RBFOX1: variants seen among roughly 807,000 people sequenced by gnomAD.
RBFOX1 encodes RNA binding fox-1 homolog 1.
A neutral mutation model predicts 57.7 loss-of-function variants in RBFOX1; 8 were observed. That is an observed-to-expected ratio of 0.14 (90% CI 0.08 to 0.25). The LOEUF is 0.25. Among genes scored for constraint, RBFOX1 ranks in the 10% least tolerant of loss-of-function variants. The pLI, the probability that RBFOX1 is intolerant of heterozygous loss-of-function variation, is 1.00. For synonymous variants in RBFOX1, 326 were observed against 222.4 expected (o/e 1.47, Z -4.15); for missense variants, 611 against 548.5 (o/e 1.11, Z -1.14).
chr16:7,272,029 A>G (rs575562786), intron 4 of RBFOX1, among the ~76,000 whole-genome samples: 28 of 152,308 alleles, frequency 1.8e-4, no homozygotes, highest in Admixed American at 2.0e-4. Context: ...AATAGAGAAT[A>G]CCACTTTGCA....
chr16:6,755,717 T>G (rs951771583), intron 3 of RBFOX1, among the ~76,000 whole-genome samples: 2 of 152,180 alleles, frequency 1.3e-5, no homozygotes, highest in Non-Finnish European at 2.9e-5. Flanking sequence ...TGGAGTATGA[T>G]TTCCCTGTTA....
At chr16:6,299,245 CT>C (rs2078505392) in intron 1 of RBFOX1, among the ~76,000 whole-genome samples, 1 of 152,164 alleles carries the variant, frequency 6.6e-6, no homozygotes, top group South Asian at 2.1e-4. Flanking sequence ...GACCCTTTTC[CT>C]ATTTTTGCTC....
intron 1 of RBFOX1, among the ~76,000 whole-genome samples, chr16:5,424,550 T>C (rs1354542394): frequency 6.6e-6 from 1 of 151,846 alleles, no homozygotes; most frequent in East Asian, 1.9e-4. Context: ...TTTTAGCGTT[T>C]ATTTTATAGC....
chr16:5,583,540 C>G (rs2046741689), intron 2 of RBFOX1, among the ~76,000 whole-genome samples: 1 of 152,180 alleles, frequency 6.6e-6, no homozygotes, highest in Non-Finnish European at 1.5e-5. Flanking sequence ...CCTGGAGTGT[C>G]TCTGAATCTG....
chr16:7,287,687 A>G (rs1293233572), intron 4 of RBFOX1, among the ~76,000 whole-genome samples: 1 of 152,170 alleles, frequency 6.6e-6, no homozygotes, highest in Non-Finnish European at 1.5e-5. Context: ...GTCGCCTCTC[A>G]ACACCACATT....
chr16:6,617,087 G>A (rs2098153485), intron 2 of RBFOX1, among the ~76,000 whole-genome samples: 1 of 152,036 alleles, frequency 6.6e-6, no homozygotes, highest in Non-Finnish European at 1.5e-5. Context: ...GAACGTAGAG[G>A]TGCTTTGGCC....
At chr16:5,436,851 G>T (rs1375472628) in intron 1 of RBFOX1, among the ~76,000 whole-genome samples, 1 of 151,754 alleles carries the variant, frequency 6.6e-6, no homozygotes, top group Non-Finnish European at 1.5e-5. Flanking sequence ...AAAAAAAAAA[G>T]TTCTGTCAGA....
chr16:6,589,720 GT>G (rs1388717785), intron 2 of RBFOX1, among the ~76,000 whole-genome samples: 1 of 152,202 alleles, frequency 6.6e-6, no homozygotes, highest in Admixed American at 6.5e-5. Flanking sequence ...AAGGGGGATT[GT>G]TTGGGGAAAG....
At chr16:5,761,769 T>C (rs1322005754) in intron 3 of RBFOX1, among the ~76,000 whole-genome samples, 1 of 152,112 alleles carries the variant, frequency 6.6e-6, no homozygotes, top group African/African-American at 2.4e-5. Context: ...TTTGGCTAAA[T>C]GGGTAAAGAA....
chr16:7,073,877 A>G (rs2057820899), intron 4 of RBFOX1, among the ~76,000 whole-genome samples: 3 of 150,738 alleles, frequency 2.0e-5, no homozygotes. Context: ...CAAATAAATA[A>G]ATACTAGATG....
At chr16:6,490,057 G>A (rs772835720) in intron 2 of RBFOX1, among the ~76,000 whole-genome samples, 25 of 152,300 alleles carry the variant, frequency 1.6e-4, no homozygotes, top group African/African-American at 4.8e-4. Context: ...ATGTGAGTAC[G>A]TTGACTCCCA....
At chr16:6,849,609 C>A (rs2093956812) in intron 3 of RBFOX1, among the ~76,000 whole-genome samples, 1 of 152,204 alleles carries the variant, frequency 6.6e-6, no homozygotes, top group Non-Finnish European at 1.5e-5. Flanking sequence ...GCGGAGGTTT[C>A]AGTGAGCTGA....
Position 6,800,338 on chromosome 16 carries a change from C to T in RBFOX1, c.-16+145688C>T, listed in dbSNP as rs538285142. Among the ~76,000 whole-genome samples the T allele has an allele frequency of 9.9e-5, 15 of 152,262 alleles. No individual in the cohort carries two copies. The South Asian group carries it at 2.9e-3, about 29-fold the overall frequency. ...GGGCTGGTAGTACCAAAAGTCAGGGCTACCTATTTTTGTTTTTCATGCAAT... is the reference window on the plus strand; with the variant it reads ...GGGCTGGTAGTACCAAAAGTCAGGGTTACCTATTTTTGTTTTTCATGCAAT... On this transcript the variant is annotated intron_variant, in intron 3 of 15. Coordinates refer to ENST00000550418, the MANE Select transcript of RBFOX1 (RefSeq NM_018723.4).
intron 3 of RBFOX1, among the ~76,000 whole-genome samples, chr16:6,850,772 G>A (rs1210442626): frequency 1.3e-5 from 2 of 152,160 alleles, no homozygotes; most frequent in Non-Finnish European, 2.9e-5. Context: ...AATATTGCTG[G>A]TGGGAATGTC....
At chr16:5,393,089 T>C (rs1195073485) in intron 1 of RBFOX1, among the ~76,000 whole-genome samples, 1 of 152,090 alleles carries the variant, frequency 6.6e-6, no homozygotes, top group Non-Finnish European at 1.5e-5. Flanking sequence ...AGGGTGGGGC[T>C]GTGGCTCAGG....
intron 4 of RBFOX1, among the ~76,000 whole-genome samples, chr16:7,361,680 G>T (rs976479540): frequency 6.6e-6 from 1 of 152,178 alleles, no homozygotes; most frequent in African/African-American, 2.4e-5. Flanking sequence ...GCTGAGCCAC[G>T]TTCCTGCCTG....
At chr16:6,318,292 C>T (rs537982147) in intron 2 of RBFOX1, among the ~76,000 whole-genome samples, 1 of 152,294 alleles carries the variant, frequency 6.6e-6, no homozygotes, top group Admixed American at 6.5e-5. Context: ...CTACGTGCCA[C>T]ATCTATCTTT....
intron 3 of RBFOX1, among the ~76,000 whole-genome samples, chr16:6,995,591 C>G (rs1278970783): frequency 2.0e-5 from 3 of 151,970 alleles, no homozygotes; most frequent in Non-Finnish European, 4.4e-5. Flanking sequence ...GAAACCTTGT[C>G]TCTACTAAAC....
At chr16:5,272,351 A>G (rs1282258155) in intron 1 of RBFOX1, among the ~76,000 whole-genome samples, 1 of 152,220 alleles carries the variant, frequency 6.6e-6, no homozygotes, top group Non-Finnish European at 1.5e-5. Context: ...GTCAATTAAA[A>G]TAACGTTAGT....
Sources: gnomAD v4.1 joint callset for allele counts (sites outside exome capture counted in the v4.1 genomes callset) on GRCh38, gnomAD v4.1.1 for gene constraint, MANE v1.5 for transcripts, NCBI Gene and HGNC (gene_info 2026-07-23, HGNC 2026-07-21) for gene names.